The following MSI2 variants were observed in gnomAD, a reference collection of about 807,000 sequenced individuals.
MSI2 encodes the protein RNA-binding protein Musashi homolog 2.
A neutral mutation model predicts 45.6 loss-of-function variants in MSI2; 17 were observed. That is an observed-to-expected ratio of 0.37 (90% confidence interval 0.26 to 0.56). The LOEUF (loss-of-function observed/expected upper bound fraction) is 0.56. Among genes scored for constraint, MSI2 ranks in the 20% least tolerant of loss-of-function variants. MSI2 has a pLI of 0.77. For missense variants in MSI2, 293 were observed against 444.2 expected (o/e 0.66, Z 3.06); for synonymous variants, 156 against 158.2 (o/e 0.99, Z 0.11).
At chr17:57,549,571 G>C (rs551082693) in intron 7 of MSI2, among the ~76,000 whole-genome samples, 81 of 152,312 alleles carry the variant, frequency 5.3e-4, no homozygotes, top group African/African-American at 1.9e-3. Context: ...AATGGTTCGA[G>C]TGAATGGATG....
intron 7 of MSI2, among the ~76,000 whole-genome samples, chr17:57,578,671 G>A (rs1182450954): frequency 6.6e-6 from 1 of 152,040 alleles, no homozygotes; most frequent in Non-Finnish European, 1.5e-5. Context: ...GAGAGCTTTG[G>A]GGCAGTTTGT....
chr17:57,472,611 G>T (rs1223704195), intron 6 of MSI2, among the ~76,000 whole-genome samples: 1 of 152,200 alleles, frequency 6.6e-6, no homozygotes, highest in Non-Finnish European at 1.5e-5. Context: ...CCTTGAGCAA[G>T]CCCCTTAATG....
At chr17:57,503,328 T>A (rs1488304645) in intron 6 of MSI2, among the ~76,000 whole-genome samples, 1 of 152,258 alleles carries the variant, frequency 6.6e-6, no homozygotes, top group African/African-American at 2.4e-5. Flanking sequence ...TGTGATTTAT[T>A]TTTTTATTAA....
At chr17:57,455,823 C>T (rs2085103270) in intron 6 of MSI2, among the ~76,000 whole-genome samples, 2 of 152,184 alleles carry the variant, frequency 1.3e-5, no homozygotes, top group Admixed American at 6.5e-5. Flanking sequence ...CTTGGGAAAA[C>T]GTTGGCTTTG....
At position 57,681,357 on chromosome 17, in the gene MSI2, GT is replaced by G. The variant is rs1913584234; in HGVS notation, c.*1841del. ...ATATATATTTTTTCTTTTTTAAAAT[GT>G]GATATTGACGTTTTATTAATATTTT... On this transcript the variant is annotated 3_prime_UTR_variant, in exon 14 of 14. Coordinates refer to ENST00000284073, the MANE Select transcript of MSI2 (RefSeq NM_138962.4). 5.6e-6 allele frequency: 1 copy of G among 180,070 alleles called. No individual in the cohort carries two copies. Among genetic ancestry groups the G allele is most frequent in the Non-Finnish European group, 1.2e-5 (1 of 84,276 alleles). 11.2% of individuals were successfully genotyped at this position (180,070 alleles called of 1,614,324 possible).
intron 7 of MSI2, among the ~76,000 whole-genome samples, chr17:57,550,059 TCC>T (rs2087266993): frequency 6.6e-6 from 1 of 152,196 alleles, no homozygotes; most frequent in Non-Finnish European, 1.5e-5. Flanking sequence ...CTGTCTCCTC[TCC>T]CTACCCCATC....
chr17:57,639,938 A>G (rs367616897), intron 10 of MSI2, among the ~76,000 whole-genome samples: 3 of 152,122 alleles, frequency 2.0e-5, no homozygotes, highest in African/African-American at 4.8e-5. Flanking sequence ...ACCAAGCACT[A>G]TGTCACAGGC....
intron 6 of MSI2, among the ~76,000 whole-genome samples, chr17:57,487,265 G>T (rs1306344774): frequency 6.6e-6 from 1 of 152,220 alleles, no homozygotes; most frequent in African/African-American, 2.4e-5. Flanking sequence ...TGCGCTGTTG[G>T]GAGCCAGTCA....
chr17:57,319,638 G>A (rs1235589755), intron 5 of MSI2, among the ~76,000 whole-genome samples: 3 of 151,986 alleles, frequency 2.0e-5, no homozygotes, highest in Non-Finnish European at 4.4e-5. Flanking sequence ...TTTTTGACAG[G>A]GTCTCACTCT....
At chr17:57,606,325 C>T (rs1413709744) in intron 8 of MSI2, 2 of 152,262 alleles carry the variant, frequency 1.3e-5, no homozygotes, top group Non-Finnish European at 2.9e-5. Context: ...GTAGGATTAG[C>T]TCCGAGAGCC....
At chr17:57,376,587 G>T (rs1318622392) in intron 5 of MSI2, among the ~76,000 whole-genome samples, 1 of 152,174 alleles carries the variant, frequency 6.6e-6, no homozygotes, top group East Asian at 1.9e-4. Context: ...TGGGTTTTCG[G>T]TTGTGATTTT....
At chr17:57,700,696 A>T in the MSI2 span, among the ~76,000 whole-genome samples, 1 of 152,210 alleles carries the variant, frequency 6.6e-6, no homozygotes, top group Admixed American at 6.5e-5. Context: ...TGAGGTCAGG[A>T]GTTCGAGACC....
intron 5 of MSI2, chr17:57,267,818 C>T (rs1335360839): frequency 2.0e-5 from 3 of 152,046 alleles, no homozygotes; most frequent in African/African-American, 7.3e-5. Context: ...AATTAAGGTC[C>T]TTCAAAATCT....
chr17:57,336,986 G>A lies in MSI2; in HGVS notation c.313-64393G>A, dbSNP rs144467106. On this transcript the variant is annotated intron_variant, in intron 5 of 13. Coordinates refer to ENST00000284073, the MANE Select transcript of MSI2 (RefSeq NM_138962.4). ...TGGCCAAGCAGGAGCTTCGCCTTCC[G>A]GGATCCCTTGCAGGGTTGTTTGCTG... Among the ~76,000 whole-genome samples the A allele has an allele frequency of 3.7e-3, 559 of 152,248 alleles. 16 individuals carry two copies. Among genetic ancestry groups the A allele is most frequent in the East Asian group, 0.027 (140 of 5,180 alleles).
intron 8 of MSI2, among the ~76,000 whole-genome samples, chr17:57,609,661 ACTC>A (rs1324883296): frequency 1.1e-4 from 17 of 152,072 alleles, no homozygotes; most frequent in African/African-American, 4.1e-4. Flanking sequence ...AGCTTGGCAT[ACTC>A]CTCAGACTGC....
intron 6 of MSI2, among the ~76,000 whole-genome samples, chr17:57,444,964 G>A (rs370634529): frequency 1.3e-5 from 2 of 152,226 alleles, no homozygotes; most frequent in South Asian, 2.1e-4. Flanking sequence ...TGGCATTCAC[G>A]GGGCATAGTT....
intron 10 of MSI2, among the ~76,000 whole-genome samples, chr17:57,639,942 C>T (rs1230650716): frequency 6.6e-6 from 1 of 152,202 alleles, no homozygotes; most frequent in Non-Finnish European, 1.5e-5. Flanking sequence ...AGCACTATGT[C>T]ACAGGCCCTG....
intron 5 of MSI2, among the ~76,000 whole-genome samples, chr17:57,300,485 C>A (rs1211111659): frequency 1.3e-5 from 2 of 152,164 alleles, no homozygotes; most frequent in African/African-American, 4.8e-5. Context: ...GCGTGTACTA[C>A]AAATATGATT....
chr17:57,592,950 G>A lies in MSI2; in HGVS notation c.455-3918G>A, dbSNP rs77718815. 5.6e-3 allele frequency among the ~76,000 whole-genome samples: 846 copies of A among 152,244 alleles called. 8 individuals are homozygous for A. The highest frequency in any genetic ancestry group is 0.02 in the African/African-American group (811 of 41,538). ...CAGCAGGAAAGCAGCTTCCATGGCC[G>A]GGAACTCAGCCATGGCCTGCCATGG... is the stretch of plus-strand genomic sequence containing the variant. On this transcript the variant is annotated intron_variant, in intron 7 of 13. Transcript: ENST00000284073.
Sources: gnomAD v4.1 joint callset for allele counts (sites outside exome capture counted in the v4.1 genomes callset) on GRCh38, gnomAD v4.1.1 for gene constraint, MANE v1.5 for transcripts, NCBI Gene and HGNC (gene_info 2026-07-23, HGNC 2026-07-21) for gene names.